Variants in KCNK10 observed in about 807,000 individuals in gnomAD.
The protein encoded by KCNK10 is potassium two pore domain channel subfamily K member 10, also known as potassium channel subfamily K member 10.
A neutral mutation model predicts 47.7 loss-of-function variants in KCNK10; 25 were observed. The ratio of observed to expected loss-of-function variants is 0.52; its 90% CI spans 0.38 to 0.73. The LOEUF is 0.73. Among genes scored for constraint, KCNK10 ranks in the 30% least tolerant of loss-of-function variants. The pLI is 0.00. For synonymous variants in KCNK10, 303 were observed against 285.6 expected (o/e 1.06, Z -0.61); for missense variants, 563 against 714.5 (o/e 0.79, Z 2.42).
At chr14:88,239,203 G>GT (rs1461489031) in intron 3 of KCNK10, among the ~76,000 whole-genome samples, 1 of 140,988 alleles carries the variant, frequency 7.1e-6, no homozygotes, top group East Asian at 2.3e-4. Flanking sequence ...CCTTAAATTT[G>GT]TTTAAAAAAA....
At chr14:88,203,502 C>G (rs1885168971) in intron 4 of KCNK10, among the ~76,000 whole-genome samples, 1 of 152,208 alleles carries the variant, frequency 6.6e-6, no homozygotes, top group Non-Finnish European at 1.5e-5. Context: ...GCCTGGAATT[C>G]TGGGCTCCAA....
At chr14:88,225,280 C>T (rs1231761879) in intron 4 of KCNK10, among the ~76,000 whole-genome samples, 1 of 152,224 alleles carries the variant, frequency 6.6e-6, no homozygotes, top group Non-Finnish European at 1.5e-5. Flanking sequence ...TAGCACCCTC[C>T]AATACTCAGC....
intron 1 of KCNK10, among the ~76,000 whole-genome samples, chr14:88,284,539 A>G (rs569177793): frequency 1.1e-3 from 173 of 152,308 alleles, no homozygotes; most frequent in African/African-American, 4.1e-3. Flanking sequence ...GCCCCTGGCA[A>G]ACCACTGGTG....
chr14:88,270,060 G>T (rs548539437), intron 1 of KCNK10, among the ~76,000 whole-genome samples: 1 of 152,036 alleles, frequency 6.6e-6, no homozygotes, highest in African/African-American at 2.4e-5. Flanking sequence ...GCAGACTCCC[G>T]GGCAAGAGGG....
chr14:88,267,862 T>C (rs1566709265), intron 1 of KCNK10, among the ~76,000 whole-genome samples: 3 of 152,012 alleles, frequency 2.0e-5, no homozygotes, highest in African/African-American at 7.2e-5. Flanking sequence ...GTGGTGAAGG[T>C]GACAGGAGCC....
intron 4 of KCNK10, among the ~76,000 whole-genome samples, chr14:88,211,894 C>CAAAA (rs59401189): frequency 8.8e-6 from 1 of 113,708 alleles, no homozygotes; most frequent in African/African-American, 3.4e-5. Context: ...GACTTCATCT[C>CAAAA]AAAAAAAAAA....
At chr14:88,285,713 A>G (rs1372068167) in intron 1 of KCNK10, among the ~76,000 whole-genome samples, 1 of 152,202 alleles carries the variant, frequency 6.6e-6, no homozygotes, top group Non-Finnish European at 1.5e-5. Context: ...ATTTTAGAGT[A>G]TGTCCAAATT....
At chr14:88,290,175 G>A (rs539738391) in intron 1 of KCNK10, among the ~76,000 whole-genome samples, 3 of 152,260 alleles carry the variant, frequency 2.0e-5, no homozygotes, top group South Asian at 4.2e-4. Context: ...TTATCTGGGT[G>A]GGTCCAGTGT....
chr14:88,314,719 C>A (rs925608814), intron 1 of KCNK10, among the ~76,000 whole-genome samples: 5 of 152,200 alleles, frequency 3.3e-5, no homozygotes, highest in Non-Finnish European at 5.9e-5. Flanking sequence ...GGAGGCTACC[C>A]TGACTTCACA....
In KCNK10 at chr14:88,185,817, G is replaced by A. The variant is rs780578774; in HGVS notation, c.1350C>T (p.Asn450=). 6.2e-7 allele frequency: 1 copy of A among 1,614,066 alleles called. No individual in the cohort carries two copies. Among genetic ancestry groups the A allele is most frequent in the African/African-American group, 1.3e-5 (1 of 74,926 alleles). Residue 450 remains asparagine (N), a synonymous_variant, in exon 7 of 7, where the codon AAC becomes AAT. Transcript: ENST00000319231. This position sits in a 1 kb window ranked among gnomAD's most constrained non-coding sequence, Gnocchi z 4.3. The part of the protein sequence containing the change: ...GQGASEDNII[N]KFGSTSRLTK... ...TGAGTCTGGAGGTGGACCCGAACTT[G>A]TTGATGATGTTGTCCTCGGACGCAC...
intron 2 of KCNK10, among the ~76,000 whole-genome samples, chr14:88,251,001 G>A (rs1278017233): frequency 1.3e-5 from 2 of 152,094 alleles, no homozygotes; most frequent in Non-Finnish European, 2.9e-5. Context: ...TTGGGAGGCC[G>A]AGGTGGGCAG....
intron 3 of KCNK10, among the ~76,000 whole-genome samples, chr14:88,228,381 A>C (rs896070302): frequency 2.0e-5 from 3 of 152,226 alleles, no homozygotes; most frequent in African/African-American, 7.2e-5. Context: ...TACTGGGCTT[A>C]CCCTATATGG....
At chr14:88,208,098 T>C (rs1311369141) in intron 4 of KCNK10, among the ~76,000 whole-genome samples, 1 of 152,262 alleles carries the variant, frequency 6.6e-6, no homozygotes, top group Admixed American at 6.5e-5. Flanking sequence ...ATATTAACTA[T>C]GACAAACTTT....
At chr14:88,305,834 A>G (rs990680449) in intron 1 of KCNK10, among the ~76,000 whole-genome samples, 2 of 152,224 alleles carry the variant, frequency 1.3e-5, no homozygotes, top group East Asian at 3.9e-4. Context: ...GCTGTCGCCC[A>G]GTGGAATTTT....
chr14:88,295,917 T>TG (rs994427358), intron 1 of KCNK10, among the ~76,000 whole-genome samples: 2 of 152,140 alleles, frequency 1.3e-5, no homozygotes, highest in Non-Finnish European at 2.9e-5. Context: ...TTCTGCTCTT[T>TG]GGGGGGTCTA....
chr14:88,189,405 GT>G (rs1407796337), intron 5 of KCNK10, among the ~76,000 whole-genome samples: 1 of 152,188 alleles, frequency 6.6e-6, no homozygotes, highest in Non-Finnish European at 1.5e-5. Context: ...CCAGTAAGTG[GT>G]TTTTGAGGTT....
intron 2 of KCNK10, among the ~76,000 whole-genome samples, chr14:88,252,217 A>G (rs71425310): frequency 0.045 from 6,863 of 151,974 alleles, 195 homozygotes; most frequent in East Asian, 0.063. Context: ...GCCCAGCCCC[A>G]GGACACTTCT....
intron 2 of KCNK10, among the ~76,000 whole-genome samples, chr14:88,248,193 T>G (rs1055769120): frequency 6.6e-6 from 1 of 152,188 alleles, no homozygotes; most frequent in Non-Finnish European, 1.5e-5. Flanking sequence ...CAATTTCTAT[T>G]TTTAAAAAAC....
At chr14:88,190,048 T>A (rs565125742) in intron 5 of KCNK10, among the ~76,000 whole-genome samples, 1 of 152,314 alleles carries the variant, frequency 6.6e-6, no homozygotes, top group South Asian at 2.1e-4. Context: ...TGGGACTGTG[T>A]AGGTTGTGCC....
Sources: gnomAD v4.1 joint callset for allele counts (sites outside exome capture counted in the v4.1 genomes callset) on GRCh38, gnomAD v4.1.1 for gene constraint, Gnocchi (gnomAD v3.1) non-coding constraint, MANE v1.5 for transcripts, NCBI Gene and HGNC (gene_info 2026-07-23, HGNC 2026-07-21) for gene names.